NXN: variants seen among roughly 807,000 people sequenced by gnomAD.
The protein encoded by NXN is nucleoredoxin 1.
A neutral mutation model predicts 48.6 loss-of-function variants in NXN; 16 were observed. The observed-to-expected ratio is 0.33, with a 90% CI of 0.22 to 0.50. NXN has a LOEUF of 0.50. Ranked by LOEUF, NXN falls within the 20% of genes least tolerant of loss-of-function variation. The probability of loss-of-function intolerance (pLI) is 0.98; values close to 1 mark genes in which losing one functional copy is unlikely to be tolerated. For synonymous variants in NXN, 281 were observed against 269.6 expected (o/e 1.04, Z -0.41); for missense variants, 492 against 605.5 (o/e 0.81, Z 1.97).
rs376843722 is a variant in NXN at position 866,504 on chromosome 17, G to A, written c.361-40426C>T. Reference sequence around the variant, plus strand: ...AGGAGAACCCTTGTACCCAGGAGGCGGAGCATGCAGTGAGCTGAGATCGCG... The same window carrying A: ...AGGAGAACCCTTGTACCCAGGAGGCAGAGCATGCAGTGAGCTGAGATCGCG... On this transcript the variant is annotated intron_variant, in intron 1 of 7. Transcript: ENST00000336868. 3.3e-5 allele frequency among the ~76,000 whole-genome samples: 5 copies of A among 152,096 alleles called. No homozygotes were observed. In the South Asian group the frequency reaches 6.2e-4, roughly 19 times the overall value.
intron 1 of NXN, among the ~76,000 whole-genome samples, chr17:892,025 CCCA>C: frequency 6.6e-6 from 1 of 151,624 alleles, no homozygotes; most frequent in Non-Finnish European, 1.5e-5. Flanking sequence ...CTAAACTAAC[CCCA>C]CCATGCACAA....
In NXN at chr17:872,305, T is replaced by TCAATCAAAGACA. The variant is rs2068164036; in HGVS notation, c.361-46228_361-46227insTGTCTTTGATTG. ...ACAGAGGAACACGTCAATCAAAGAC[T>TCAATCAAAGACA]AGGAGAGAGAGAGAGAGAGAAACAT... On this transcript the variant is annotated intron_variant, in intron 1 of 7. Transcript: ENST00000336868. Among the ~76,000 whole-genome samples, 4 of 143,294 alleles carry TCAATCAAAGACA rather than the reference T, an allele frequency of 2.8e-5. No individual in the cohort carries two copies. In the South Asian group the frequency reaches 8.8e-4, roughly 31 times the overall value. 94.0% of individuals were successfully genotyped at this position (143,294 alleles called of 152,430 possible).
chr17:853,723 A>ATATATATATATATATAT (rs1491528474), intron 1 of NXN, among the ~76,000 whole-genome samples: 222 of 105,938 alleles, frequency 2.1e-3, no homozygotes, highest in Middle Eastern at 0.014. Flanking sequence ...ATATATATAT[A>ATATATATATATATATAT]TTTTTTTTTT....
intron 1 of NXN, among the ~76,000 whole-genome samples, chr17:949,861 G>A (rs544754842): frequency 3.4e-4 from 51 of 151,448 alleles, no homozygotes; most frequent in Middle Eastern, 3.4e-3. Context: ...GTGGGAAGAC[G>A]CCATGCATTG....
chr17:856,913 A>G (rs1016025518), intron 1 of NXN, among the ~76,000 whole-genome samples: 7 of 152,158 alleles, frequency 4.6e-5, no homozygotes, highest in African/African-American at 1.4e-4. Context: ...CATTCTGTTC[A>G]GGGCAACGTA....
At chr17:964,104 T>C (rs1410839536) in intron 1 of NXN, among the ~76,000 whole-genome samples, 7 of 152,176 alleles carry the variant, frequency 4.6e-5, no homozygotes, top group Admixed American at 4.6e-4. Flanking sequence ...ATGCTGGCTC[T>C]CTCTTGCAGA....
intron 1 of NXN, among the ~76,000 whole-genome samples, chr17:892,823 C>T (rs984559725): frequency 1.3e-5 from 2 of 152,196 alleles, no homozygotes; most frequent in African/African-American, 4.8e-5. Flanking sequence ...ATTATGCATT[C>T]GTCAGAACCA....
At chr17:938,622 C>T (rs752729035) in intron 1 of NXN, among the ~76,000 whole-genome samples, 3 of 151,780 alleles carry the variant, frequency 2.0e-5, no homozygotes, top group Non-Finnish European at 4.4e-5. Flanking sequence ...AGGCGGAGGT[C>T]GCAGTGAGCC....
chr17:875,525 A>C (rs1350470203), intron 1 of NXN, among the ~76,000 whole-genome samples: 2 of 152,150 alleles, frequency 1.3e-5, no homozygotes, highest in Non-Finnish European at 2.9e-5. Flanking sequence ...GCCTCACTAC[A>C]CACTTAAGAG....
chr17:888,480 C>A (rs1393616769), intron 1 of NXN, among the ~76,000 whole-genome samples: 4 of 152,196 alleles, frequency 2.6e-5, no homozygotes, highest in Non-Finnish European at 5.9e-5. Flanking sequence ...CTTGGCCCCC[C>A]AAAGTCCTGG....
intron 4 of NXN, 60 bp downstream of exon 4, chr17:822,297 A>G: frequency 7.9e-7 from 1 of 1,261,580 alleles, no homozygotes; most frequent in Non-Finnish European, 1.1e-6. Context: ...AAAGAAAAGA[A>G]AAAAAATGGA....
At chr17:967,108 C>A (rs1420910226) in intron 1 of NXN, among the ~76,000 whole-genome samples, 5 of 151,800 alleles carry the variant, frequency 3.3e-5, no homozygotes, top group African/African-American at 9.7e-5. Context: ...GACAAGCCCC[C>A]CCACAGCCCC....
At chr17:930,479 T>C (rs1359783894) in intron 1 of NXN, 2 of 151,876 alleles carry the variant, frequency 1.3e-5, no homozygotes, top group East Asian at 3.9e-4. Flanking sequence ...CAAACAATAT[T>C]TACAGACACA....
intron 1 of NXN, among the ~76,000 whole-genome samples, chr17:960,626 C>A (rs1325735380): frequency 6.6e-6 from 1 of 152,030 alleles, no homozygotes; most frequent in Non-Finnish European, 1.5e-5. Context: ...TACAGGCACA[C>A]ACCACCATGC....
chr17:847,167 C>T (rs929287971), intron 1 of NXN, among the ~76,000 whole-genome samples: 2 of 152,050 alleles, frequency 1.3e-5, no homozygotes, highest in Admixed American at 1.3e-4. Flanking sequence ...CGCGGAGCCA[C>T]TAGCACTCGG....
intron 1 of NXN, among the ~76,000 whole-genome samples, chr17:841,399 G>T (rs1914190873): frequency 8.0e-6 from 1 of 124,252 alleles, no homozygotes; most frequent in African/African-American, 2.6e-5. Context: ...ACGCCGGCGA[G>T]CAGGTCCCCC....
intron 1 of NXN, among the ~76,000 whole-genome samples, chr17:936,424 C>T (rs1186601970): frequency 6.6e-6 from 1 of 151,988 alleles, no homozygotes; most frequent in African/African-American, 2.4e-5. Context: ...ACAACCCGGC[C>T]AGCATCTGCC....
chr17:816,270 G>C (rs371539931), intron 5 of NXN, among the ~76,000 whole-genome samples: 7 of 152,248 alleles, frequency 4.6e-5, no homozygotes, highest in East Asian at 1.9e-4. Context: ...CCATGGATTA[G>C]AAGGACAAAG....
At chr17:929,116 T>C (rs186012818) in intron 1 of NXN, among the ~76,000 whole-genome samples, 4 of 152,306 alleles carry the variant, frequency 2.6e-5, no homozygotes, top group African/African-American at 9.6e-5. Flanking sequence ...TAGCTTCACA[T>C]AAAAACCCAG....
Sources: allele counts gnomAD v4.1 joint callset (sites outside exome capture counted in the v4.1 genomes callset), GRCh38; gene constraint gnomAD v4.1.1; transcripts MANE v1.5; gene names NCBI Gene and HGNC (gene_info 2026-07-23, HGNC 2026-07-21).